Variants in TPPP observed in about 807,000 individuals in gnomAD.
TPPP encodes tubulin polymerization-promoting protein.
Under a neutral mutation model 15.5 loss-of-function variants are expected in TPPP, and 6 were observed. That is an observed-to-expected ratio of 0.39 (90% CI 0.21 to 0.77). The LOEUF (loss-of-function observed/expected upper bound fraction) is 0.77, where lower values mean the gene tolerates loss of function less well. Among genes scored for constraint, TPPP ranks in the 30% least tolerant of loss-of-function variants. The pLI is 0.42. For missense variants in TPPP, 269 were observed against 307.2 expected (o/e 0.88, Z 0.93); for synonymous variants, 146 against 133.9 (o/e 1.09, Z -0.63).
intron 2 of TPPP, 136 bp from the exon 3 acceptor site, chr5:666,259 G>T: frequency 1.0e-6 from 1 of 970,326 alleles, no homozygotes; most frequent in Non-Finnish European, 1.5e-6. Flanking sequence ...CGCCCTGGTA[G>T]CACTGCAAAT....
chr5:666,572 C>T (rs910167928), intron 2 of TPPP, among the ~76,000 whole-genome samples: 13 of 152,300 alleles, frequency 8.5e-5, no homozygotes, highest in African/African-American at 2.2e-4. Flanking sequence ...CTGCCGCCCC[C>T]GGACACTTGG....
rs919720194 is a variant in TPPP at position 665,188 on chromosome 5, G to A, written c.574C>T (p.Arg192Cys). ...CCTGACTCGTCCACCAGATCCACGC[G>A]GCCAGCCTTGCCCTTGCCCTTGCCA... ...PSGKGKGKAGRVDLVDESGYV... is the reference protein window; with the variant it reads ...PSGKGKGKAGCVDLVDESGYV... Residue 192 changes from arginine to cysteine, a missense_variant, in exon 4 of 4, where the codon CGC becomes TGC. Transcript: ENST00000360578. 8 of 1,613,802 alleles carry A rather than the reference G, an allele frequency of 5.0e-6. No individual in the cohort carries two copies. The highest frequency in any genetic ancestry group is 1.1e-5 in the South Asian group (1 of 91,086).
Position 665,204 on chromosome 5 carries a change from G to A in TPPP, c.558C>T (p.Gly186=), listed in dbSNP as rs1739845087. 2 of 1,613,766 alleles carry A rather than the reference G, an allele frequency of 1.2e-6. No homozygotes were observed. Among genetic ancestry groups the A allele is most frequent in the Admixed American group, 3.3e-5 (2 of 59,986 alleles). ...HKERFDPSGK[G]KGKAGRVDLV... ...GATCCACGCGGCCAGCCTTGCCCTT[G>A]CCCTTGCCAGAGGGGTCGAAGCGCT... The change falls in exon 4 of 4, where the codon GGC becomes GGT. Residue 186 remains glycine (G), a synonymous_variant. Transcript: ENST00000360578.
chr5:676,766 C>G (rs747722111), intron 2 of TPPP: 3 of 152,300 alleles, frequency 2.0e-5, no homozygotes, highest in Non-Finnish European at 2.9e-5. Flanking sequence ...GACACGGCAA[C>G]AGACGTGTGC....
At chr5:700,331 A>C in the TPPP span, among the ~76,000 whole-genome samples, 1 of 152,058 alleles carries the variant, frequency 6.6e-6, no homozygotes, top group African/African-American at 2.4e-5. Flanking sequence ...GAAATAACTC[A>C]GAAACAAAAA....
chr5:668,206 CCGACAAGCACACAGAGAGGGGGCCG>C (rs1740018089), intron 2 of TPPP, among the ~76,000 whole-genome samples: 2 of 116,572 alleles, frequency 1.7e-5, no homozygotes, highest in African/African-American at 3.3e-5. Flanking sequence ...CAGGGAAGTA[CCGACAAGCACACAGAGAGGGGGCCG>C]TGTGGGCGCC....
intron 1 of TPPP, chr5:692,683 G>C (rs1740923066): frequency 1.0e-6 from 1 of 982,676 alleles, no homozygotes; most frequent in African/African-American, 1.7e-5. Flanking sequence ...ACAGGCCCGC[G>C]GACAGTAGCC....
intron 2 of TPPP, among the ~76,000 whole-genome samples, chr5:668,400 C>T (rs1313105936): frequency 3.2e-5 from 3 of 92,546 alleles, no homozygotes; most frequent in East Asian, 4.7e-4. Flanking sequence ...AGGGAAGTAC[C>T]GACAAGCACA....
At position 669,081 on chromosome 5, in the gene TPPP, T is replaced by C. The variant is rs77470412; in HGVS notation, c.312-2958A>G. On this transcript the variant is annotated intron_variant, in intron 2 of 3. Transcript: ENST00000360578. ...TGAGAAACACACCAAGTGCTCGGGG[T>C]CCCACAGCTCAGACCCTCACGCCTC... is the stretch of plus-strand genomic sequence containing the variant. Among the ~76,000 whole-genome samples the C allele has an allele frequency of 4.6e-3, 701 of 152,264 alleles. 9 individuals carry two copies. The highest frequency in any genetic ancestry group is 0.016 in the African/African-American group (666 of 41,554).
At position 663,826 on chromosome 5, in the gene TPPP, C is replaced by G. The variant is rs547505142; in HGVS notation, c.*1276G>C. The G allele has an allele frequency of 6.6e-6, 1 of 152,508 alleles. No individual in the cohort carries two copies. Among genetic ancestry groups the G allele is most frequent in the Admixed American group, 6.5e-5 (1 of 15,312 alleles). The allele number at this position is 152,508 out of a possible 1,614,324, so 9.4% of individuals were successfully genotyped here. ...ACTCCAGAACCACGGCCCAGCAGGT[C>G]ACACGTGTGGCTGTGGCTGTGTGCG... On this transcript the variant is annotated 3_prime_UTR_variant, in exon 4 of 4. Coordinates refer to ENST00000360578, the MANE Select transcript of TPPP (RefSeq NM_007030.3).
At chr5:675,488 A>AGTGTGGCCGGGGGTC (rs1740396678) in intron 2 of TPPP, among the ~76,000 whole-genome samples, 3 of 26,200 alleles carry the variant, frequency 1.1e-4, no homozygotes, top group African/African-American at 4.5e-4. Context: ...GGCCAGGGGT[A>AGTGTGGCCGGGGGTC]CATTGTGGCC....
rs749071810 is a variant in TPPP, at chr5:665,953, A to G, written c.465+17T>C. The G allele has an allele frequency of 4.4e-6, 3 of 682,190 alleles. No homozygotes were observed. In the South Asian group the frequency reaches 8.7e-5, roughly 20 times the overall value. The allele number at this position is 682,190 out of a possible 1,614,324, so 42.3% of individuals were successfully genotyped here. A position where few individuals can be genotyped will look rare whatever the true frequency, so the allele number is the denominator to read the frequency against. On this transcript the variant is annotated intron_variant, in intron 3 of 3. Coordinates refer to ENST00000360578, the MANE Select transcript of TPPP (RefSeq NM_007030.3). ...CCACCCCCTCCAGGCCCCGCCTTCC[A>G]TCCCCGCCCTGCTCACCGTCACCCC...
At chr5:684,498 C>A (rs1409204335) in intron 1 of TPPP, among the ~76,000 whole-genome samples, 1 of 152,110 alleles carries the variant, frequency 6.6e-6, no homozygotes, top group Non-Finnish European at 1.5e-5. Context: ...CGACCCGAAG[C>A]CCCAGAAGCA....
chr5:694,207 C>G (rs1227085087), upstream of TPPP, among the ~76,000 whole-genome samples: 801 of 147,894 alleles, frequency 5.4e-3, 4 homozygotes, highest in East Asian at 0.064. Flanking sequence ...CGGGGCTGCC[C>G]GGCCCTCCGC....
intron 2 of TPPP, among the ~76,000 whole-genome samples, chr5:669,024 T>C (rs1335045452): frequency 2.6e-5 from 4 of 152,158 alleles, no homozygotes; most frequent in Non-Finnish European, 4.4e-5. Flanking sequence ...ACAGACACCA[T>C]CAACAGCGCT....
intron 2 of TPPP, among the ~76,000 whole-genome samples, chr5:671,248 AGGGGCGGGGGT>A (rs1740213225): frequency 3.2e-5 from 1 of 31,130 alleles, no homozygotes; most frequent in South Asian, 1.1e-3. Flanking sequence ...TTTCCTGGGG[AGGGGCGGGGGT>A]GGGGCGTGTG....
At chr5:692,312 A>G (rs1740905956) in intron 1 of TPPP, among the ~76,000 whole-genome samples, 1 of 97,122 alleles carries the variant, frequency 1.0e-5, no homozygotes. Context: ...TCAAAACTGC[A>G]GCTCCCAACC....
chr5:691,869 C>G (rs1455592553), intron 1 of TPPP, among the ~76,000 whole-genome samples: 16 of 92,272 alleles, frequency 1.7e-4, no homozygotes, highest in African/African-American at 6.2e-4. Flanking sequence ...CAGCAGCCCC[C>G]TAAACCCCCA....
chr5:682,179 G>C (rs1740641970), intron 1 of TPPP, among the ~76,000 whole-genome samples: 1 of 148,856 alleles, frequency 6.7e-6, no homozygotes, highest in Non-Finnish European at 1.5e-5. Flanking sequence ...TCACAGAGCT[G>C]TCCAGGGGCT....
Sources: gnomAD v4.1 joint callset for allele counts (sites outside exome capture counted in the v4.1 genomes callset) on GRCh38, gnomAD v4.1.1 for gene constraint, MANE v1.5 for transcripts, NCBI Gene and HGNC (gene_info 2026-07-23, HGNC 2026-07-21) for gene names.